The following CACNA2D1 variants were observed in gnomAD, a reference collection of about 807,000 sequenced individuals.
CACNA2D1 encodes calcium voltage-gated channel auxiliary subunit alpha2delta 1, also known as voltage-dependent calcium channel subunit alpha-2/delta-1.
CACNA2D1 carries 53 observed loss-of-function variants against 171.5 expected under a neutral mutation model. The observed-to-expected ratio is 0.31, with a 90% CI of 0.25 to 0.39. The LOEUF is 0.39. Ranked by LOEUF, CACNA2D1 falls within the 10% of genes least tolerant of loss-of-function variation. The pLI is 1.00. For synonymous variants in CACNA2D1, 442 were observed against 443.1 expected, an observed-to-expected ratio of 1.00 and a Z score of 0.03; for missense variants, 903 against 1,299.8, an observed-to-expected ratio of 0.69 and a Z score of 4.69.
chr7:82,153,617 T>C (rs1445704890), intron 4 of CACNA2D1, among the ~76,000 whole-genome samples: 1 of 152,116 alleles, frequency 6.6e-6, no homozygotes, highest in African/African-American at 2.4e-5. Context: ...GTGACAATCA[T>C]CATGACTACG....
At chr7:82,160,101 G>A (rs1322340336) in intron 4 of CACNA2D1, among the ~76,000 whole-genome samples, 1 of 151,856 alleles carries the variant, frequency 6.6e-6, no homozygotes, top group East Asian at 1.9e-4. Flanking sequence ...GTTCAATATA[G>A]GAGGAGTCTA....
intron 1 of CACNA2D1, among the ~76,000 whole-genome samples, chr7:82,375,616 C>T (rs774376674): frequency 6.6e-6 from 1 of 152,182 alleles, no homozygotes; most frequent in African/African-American, 2.4e-5. Flanking sequence ...CTGCTTTCAA[C>T]ACTTCTTACA....
Position 81,969,997 on chromosome 7 carries a change from T to A in CACNA2D1, c.2205-13A>T, listed in dbSNP as rs749041753. On this transcript the variant is annotated splice_polypyrimidine_tract_variant and intron_variant, in intron 27 of 38. Transcript: ENST00000356860. ...ATTTTCTCCAGCCCTAAGGAGGAAA[T>A]GGCTCATCATTTGTATTCTTTAATC... The A allele has an allele frequency of 4.1e-6, 6 of 1,452,466 alleles. No homozygotes were observed. The highest frequency in any genetic ancestry group is 5.8e-6 in the Non-Finnish European group (6 of 1,033,690). The allele number at this position is 1,452,466 out of a possible 1,614,324, so 90.0% of individuals were successfully genotyped here. A position where few individuals can be genotyped will look rare whatever the true frequency, so the allele number is the denominator to read the frequency against.
At chr7:82,060,201 T>TAATA (rs747843223) in intron 10 of CACNA2D1, among the ~76,000 whole-genome samples, 12 of 10,424 alleles carry the variant, frequency 1.2e-3, no homozygotes, top group Admixed American at 3.4e-3. Context: ...TATATATATA[T>TAATA]TATATATATA....
intron 4 of CACNA2D1, among the ~76,000 whole-genome samples, chr7:82,152,092 G>A (rs1007063489): frequency 6.6e-6 from 1 of 151,878 alleles, no homozygotes; most frequent in African/African-American, 2.4e-5. Context: ...AAAGTTAAAT[G>A]TATCAAACTA....
Position 81,950,228 on chromosome 7 carries a change from C to T in CACNA2D1, c.*164G>A. 1.7e-6 allele frequency: 2 copies of T among 1,207,318 alleles called. No homozygotes were observed. Among genetic ancestry groups the T allele is most frequent in the Non-Finnish European group, 2.3e-6 (2 of 853,756 alleles). 74.8% of individuals were successfully genotyped at this position (1,207,318 alleles called of 1,614,324 possible). ...AAGGATCTGACACCCTGACATGCAG[C>T]CAGTGGGTGCCTTAGGAGTCTGCGC... On this transcript the variant is annotated 3_prime_UTR_variant, in exon 39 of 39. Transcript: ENST00000356860.
chr7:82,017,930 C>T (rs1317802524), intron 12 of CACNA2D1, among the ~76,000 whole-genome samples: 1 of 152,036 alleles, frequency 6.6e-6, no homozygotes, highest in Non-Finnish European at 1.5e-5. Context: ...AGAAAAAATT[C>T]CTTTACTCAT....
At chr7:82,214,443 G>C (rs1462189775) in intron 3 of CACNA2D1, among the ~76,000 whole-genome samples, 1 of 146,642 alleles carries the variant, frequency 6.8e-6, no homozygotes, top group Non-Finnish European at 1.5e-5. Flanking sequence ...GCGCAAGGTG[G>C]CTTTTTTTTT....
At chr7:81,990,574 C>T (rs760849986) in intron 21 of CACNA2D1, among the ~76,000 whole-genome samples, 5 of 151,792 alleles carry the variant, frequency 3.3e-5, no homozygotes, top group South Asian at 2.1e-4. Context: ...TGAGTAATGA[C>T]GACACACTCA....
chr7:82,245,887 A>C (rs929970978), intron 3 of CACNA2D1, among the ~76,000 whole-genome samples: 1 of 152,124 alleles, frequency 6.6e-6, no homozygotes, highest in East Asian at 1.9e-4. Context: ...GATAGTTTGT[A>C]GTTTATTATA....
chr7:82,094,822 G>T (rs574288434), intron 6 of CACNA2D1, among the ~76,000 whole-genome samples: 3 of 138,696 alleles, frequency 2.2e-5, no homozygotes, highest in Non-Finnish European at 4.7e-5. Flanking sequence ...AAGTCATGTC[G>T]GTTCTAATGC....
chr7:82,118,143 A>T (rs1789295059), intron 5 of CACNA2D1, among the ~76,000 whole-genome samples: 1 of 152,204 alleles, frequency 6.6e-6, no homozygotes, highest in Non-Finnish European at 1.5e-5. Context: ...AGATCCAATC[A>T]ATAATGATTC....
chr7:82,379,557 C>T lies in CACNA2D1; in HGVS notation c.96-29908G>A, dbSNP rs1426464606. On this transcript the variant is annotated intron_variant, in intron 1 of 38. Transcript: ENST00000356860. ...TCTCTGAAAAGGACATTTAGGAAAA[C>T]GTGGTCTGTGTGTCTATACTTGTTG... is the stretch of plus-strand genomic sequence containing the variant. 4.6e-5 allele frequency among the ~76,000 whole-genome samples: 7 copies of T among 152,244 alleles called. No homozygotes were observed. The East Asian group carries it at 9.6e-4, about 21-fold the overall frequency.
At chr7:82,102,374 A>T (rs964446279) in intron 6 of CACNA2D1, among the ~76,000 whole-genome samples, 4 of 152,078 alleles carry the variant, frequency 2.6e-5, no homozygotes, top group Admixed American at 2.0e-4. Context: ...AAATAGAAGG[A>T]TGACACAAAG....
intron 4 of CACNA2D1, among the ~76,000 whole-genome samples, chr7:82,145,825 T>G (rs1178926243): frequency 7.4e-6 from 1 of 135,728 alleles, no homozygotes; most frequent in East Asian, 2.4e-4. Context: ...TCTTTTAACT[T>G]TGTCTTATAA....
chr7:82,293,655 A>G (rs1357718222), intron 3 of CACNA2D1, among the ~76,000 whole-genome samples: 1 of 152,226 alleles, frequency 6.6e-6, no homozygotes, highest in Non-Finnish European at 1.5e-5. Context: ...CTGTTTTAGA[A>G]TGATGCCTCA....
At chr7:82,173,799 T>C (rs770793194) in intron 3 of CACNA2D1, among the ~76,000 whole-genome samples, 7 of 151,758 alleles carry the variant, frequency 4.6e-5, no homozygotes, top group Non-Finnish European at 8.8e-5. Flanking sequence ...TCCCAATACT[T>C]TGGGAAGGGG....
chr7:82,253,885 T>C (rs982948933), intron 3 of CACNA2D1, among the ~76,000 whole-genome samples: 6 of 152,116 alleles, frequency 3.9e-5, no homozygotes, highest in African/African-American at 1.4e-4. Flanking sequence ...TGGAAAGAAA[T>C]AAACTCTTTT....
chr7:81,982,693 A>G, intron 23 of CACNA2D1, 66 bp from the exon 24 acceptor site: 2 of 966,644 alleles, frequency 2.1e-6, no homozygotes, highest in South Asian at 2.6e-5. Context: ...TTCTATAACA[A>G]TAAGAAGGCA....
Sources: gnomAD v4.1 joint callset for allele counts (sites outside exome capture counted in the v4.1 genomes callset) on GRCh38, gnomAD v4.1.1 for gene constraint, MANE v1.5 for transcripts, NCBI Gene and HGNC (gene_info 2026-07-23, HGNC 2026-07-21) for gene names.